Variants in PTH2R observed in about 807,000 individuals in gnomAD.
The protein encoded by PTH2R is PTH2 receptor.
In PTH2R, 59 loss-of-function variants were observed where a neutral mutation model predicts 60.3. The observed-to-expected ratio is 0.98, with a 90% CI of 0.79 to 1.22. The LOEUF (loss-of-function observed/expected upper bound fraction) is 1.22. Among genes scored for constraint, PTH2R ranks in the 50% most tolerant of loss-of-function variants. The pLI, the probability that PTH2R is intolerant of heterozygous loss-of-function variation, is 0.00. For synonymous variants in PTH2R, 256 were observed against 243.8 expected, an observed-to-expected ratio of 1.05 and a Z score of -0.47; for missense variants, 749 against 682.6, an observed-to-expected ratio of 1.10 and a Z score of -1.08.
intron 7 of PTH2R, among the ~76,000 whole-genome samples, chr2:208,446,219 A>G (rs758066362): frequency 2.0e-5 from 3 of 152,016 alleles, no homozygotes; most frequent in Non-Finnish European, 4.4e-5. Flanking sequence ...AAGCCTCCTT[A>G]TTAACTCTTT....
chr2:208,420,010 T>C (rs1701721598), intron 1 of PTH2R, among the ~76,000 whole-genome samples: 2 of 152,244 alleles, frequency 1.3e-5, no homozygotes, highest in African/African-American at 2.4e-5. Context: ...CTGGAAACCA[T>C]CATTCTCAGC....
intron 10 of PTH2R, among the ~76,000 whole-genome samples, chr2:208,481,722 A>G (rs928682420): frequency 4.6e-5 from 7 of 152,210 alleles, no homozygotes; most frequent in Admixed American, 6.5e-5. Context: ...CTCATCAACT[A>G]TATATGAACT....
intron 1 of PTH2R, among the ~76,000 whole-genome samples, chr2:208,421,294 T>C (rs1487706642): frequency 6.6e-6 from 1 of 152,142 alleles, no homozygotes; most frequent in Non-Finnish European, 1.5e-5. Flanking sequence ...GATCTTCAGA[T>C]TTAGTTTGAA....
intron 1 of PTH2R, among the ~76,000 whole-genome samples, chr2:208,369,939 G>A (rs1461881761): frequency 6.6e-6 from 1 of 152,028 alleles, no homozygotes; most frequent in Non-Finnish European, 1.5e-5. Context: ...ACAATCCTAA[G>A]CATTCCAAAG....
chr2:208,361,747 C>T (rs1257658321), intron 1 of PTH2R, among the ~76,000 whole-genome samples: 1 of 151,102 alleles, frequency 6.6e-6, no homozygotes, highest in Non-Finnish European at 1.5e-5. Flanking sequence ...TGTTGTAGCA[C>T]ATGTCAAGAT....
rs77895169 is a variant in PTH2R, at chr2:208,450,370, C to T, written c.854-379C>T. The stretch of plus-strand genomic sequence containing the variant: ...CAGCATCCCTCAGCTTTTCAGGAGT[C>T]CCTGTGTTGCTTCACTCCTTGAGAG... On this transcript the variant is annotated intron_variant, in intron 7 of 12. Transcript: ENST00000272847. Among the ~76,000 whole-genome samples, 1,270 of 152,266 alleles carry T rather than the reference C, an allele frequency of 8.3e-3. 7 individuals are homozygous for T. The highest frequency in any genetic ancestry group is 0.015 in the South Asian group (72 of 4,820).
intron 1 of PTH2R, among the ~76,000 whole-genome samples, chr2:208,378,256 C>A (rs6435460): frequency 2.7e-5 from 4 of 149,230 alleles, no homozygotes; most frequent in African/African-American, 5.0e-5. Context: ...ACCTGCAATC[C>A]CAGGCACTCG....
chr2:208,415,490 A>G (rs1402648644), intron 1 of PTH2R, among the ~76,000 whole-genome samples: 1 of 152,192 alleles, frequency 6.6e-6, no homozygotes, highest in Non-Finnish European at 1.5e-5. Flanking sequence ...GTATTGCTCT[A>G]CATTTTCACT....
rs780829239 is a variant in PTH2R, at chr2:208,443,418, A to C, written c.580A>C (p.Ile194Leu). 6.2e-7 allele frequency: 1 copy of C among 1,613,502 alleles called. No homozygotes were observed. Among genetic ancestry groups the C allele is most frequent in the Non-Finnish European group, 8.5e-7 (1 of 1,179,714 alleles). The change falls in exon 6 of 13, where the codon ATC becomes CTC. Residue 194 changes from isoleucine (I) to leucine (L), a missense_variant. Transcript: ENST00000272847. ...GTCTTTCATGCTGAGAGCTACAAGCATCTTTGTCAAAGACAGAGTAGTCCA... is the reference window on the plus strand; with the variant it reads ...GTCTTTCATGCTGAGAGCTACAAGCCTCTTTGTCAAAGACAGAGTAGTCCA... Reference protein sequence around the residue: ...FVSFMLRATSIFVKDRVVHAH... With the variant: ...FVSFMLRATSLFVKDRVVHAH...
chr2:208,374,035 C>T (rs1344565442), intron 1 of PTH2R, among the ~76,000 whole-genome samples: 1 of 151,632 alleles, frequency 6.6e-6, no homozygotes, highest in African/African-American at 2.4e-5. Flanking sequence ...AGTGACTATA[C>T]TGCATATAGG....
intron 5 of PTH2R, 125 bp from the exon 6 acceptor site, chr2:208,443,223 G>A: frequency 1.4e-6 from 1 of 714,458 alleles, no homozygotes; most frequent in Non-Finnish European, 2.2e-6. Flanking sequence ...TGGAATTTGT[G>A]TGGAGTCTCG....
intron 10 of PTH2R, among the ~76,000 whole-genome samples, chr2:208,482,626 C>T (rs764220215): frequency 3.9e-5 from 6 of 152,186 alleles, no homozygotes; most frequent in Non-Finnish European, 5.9e-5. Flanking sequence ...TATTAATCAG[C>T]AGTAACAGTT....
intron 1 of PTH2R, among the ~76,000 whole-genome samples, chr2:208,410,256 T>C (rs1177372485): frequency 6.6e-6 from 1 of 152,218 alleles, no homozygotes; most frequent in African/African-American, 2.4e-5. Context: ...ACAGTAACTT[T>C]ATGAGATGGG....
chr2:208,402,033 C>T (rs1331095586), upstream of PTH2R, among the ~76,000 whole-genome samples: 1 of 152,196 alleles, frequency 6.6e-6, no homozygotes, highest in East Asian at 1.9e-4. Context: ...CCATACCATT[C>T]ATTGCAATGC....
rs752002293 is a variant in PTH2R at position 208,412,179 on chromosome 2, G to C, written c.75+5061G>C. On this transcript the variant is annotated intron_variant, in intron 1 of 12. Transcript: ENST00000272847. The stretch of plus-strand genomic sequence containing the variant: ...TATAATATTACATTTATTAATATAA[G>C]TACTTGATCAATATCTAACTTCCTC... 7.9e-5 allele frequency among the ~76,000 whole-genome samples: 12 copies of C among 152,136 alleles called. 1 individual carries two copies. Among genetic ancestry groups the C allele is most frequent in the Admixed American group, 2.0e-4 (3 of 15,276 alleles).
rs145672882 is a variant in PTH2R, at chr2:208,378,639, C to A, written c.-259+18402C>A. On this transcript the variant is annotated intron_variant, in intron 1 of 12. Transcript: ENST00000617735. ...CCTTTTCTACCCTATGAGGACACAG[C>A]GAGAAGACAGCTGTCTGTGAACCAG... is the stretch of plus-strand genomic sequence containing the variant. 6.5e-3 allele frequency among the ~76,000 whole-genome samples: 995 copies of A among 152,132 alleles called. 3 individuals are homozygous for A. The highest frequency in any genetic ancestry group is 9.8e-3 in the Non-Finnish European group (668 of 68,018).
At chr2:208,404,297 A>G (rs1413318741), upstream of PTH2R, among the ~76,000 whole-genome samples, 1 of 152,192 alleles carries the variant, frequency 6.6e-6, no homozygotes, top group African/African-American at 2.4e-5. Flanking sequence ...TACCAAGCAC[A>G]TAAGTCCAAC....
At position 208,437,581 on chromosome 2, in the gene PTH2R, A is replaced by C. The variant is rs185136487; in HGVS notation, c.223A>C (p.Arg75=). 1.5e-5 allele frequency: 25 copies of C among 1,613,792 alleles called. No homozygotes were observed. The highest frequency in any genetic ancestry group is 1.9e-5 in the Non-Finnish European group (23 of 1,179,848). The part of the protein sequence containing the change: ...PEWDGLICWP[R]GTVGKISAVP... ...ATGGGATGGACTCATTTGTTGGCCC[A>C]GAGGAACAGTGGGGAAAATATCGGC... The change falls in exon 3 of 13, where the codon AGA becomes CGA. Residue 75 remains arginine (R), a synonymous_variant. Transcript: ENST00000272847.
chr2:208,437,346 C>G (rs942832638), intron 2 of PTH2R, among the ~76,000 whole-genome samples, 191 bp from the exon 3 acceptor site: 2 of 152,010 alleles, frequency 1.3e-5, no homozygotes, highest in African/African-American at 4.8e-5. Flanking sequence ...ATGAATGAGC[C>G]TTTGATGAAG....
Sources: allele counts gnomAD v4.1 joint callset (sites outside exome capture counted in the v4.1 genomes callset), GRCh38; gene constraint gnomAD v4.1.1; transcripts MANE v1.5; gene names NCBI Gene and HGNC (gene_info 2026-07-23, HGNC 2026-07-21).